CNTN4: variants seen among roughly 807,000 people sequenced by gnomAD.
CNTN4 encodes the protein contactin 4.
CNTN4 carries 77 observed loss-of-function variants against 122.5 expected under a neutral mutation model. The ratio of observed to expected loss-of-function variants is 0.63; its 90% CI spans 0.52 to 0.76. CNTN4 has a LOEUF of 0.76. Ranked by LOEUF, CNTN4 falls within the 30% of genes least tolerant of loss-of-function variation. The pLI is 0.00. For synonymous variants in CNTN4, 512 were observed against 447.0 expected (o/e 1.15, Z -1.83); for missense variants, 1,256 against 1,259.1 (o/e 1.00, Z 0.04).
intron 4 of CNTN4, among the ~76,000 whole-genome samples, chr3:2,626,028 G>A (rs2082171448): frequency 6.6e-6 from 1 of 152,092 alleles, no homozygotes; most frequent in Non-Finnish European, 1.5e-5. Context: ...ATTTTAATTT[G>A]CAATTAGACG....
intron 8 of CNTN4, among the ~76,000 whole-genome samples, chr3:2,878,055 A>G (rs868338739): frequency 2.3e-4 from 35 of 152,238 alleles, no homozygotes; most frequent in Admixed American, 2.0e-3. Context: ...CAATCTTTAT[A>G]TACAGTGAAA....
intron 4 of CNTN4, among the ~76,000 whole-genome samples, chr3:2,643,086 T>C (rs1203290518): frequency 6.6e-6 from 1 of 152,224 alleles, no homozygotes; most frequent in East Asian, 1.9e-4. Context: ...CGCTAAACTC[T>C]ATCATCTCTA....
intron 13 of CNTN4, among the ~76,000 whole-genome samples, chr3:2,954,402 C>G (rs1217504297): frequency 2.0e-5 from 3 of 152,214 alleles, no homozygotes; most frequent in African/African-American, 7.2e-5. Flanking sequence ...GTCTTTCTCT[C>G]TTTTTCCACA....
At chr3:2,809,675 G>A (rs148105150) in intron 6 of CNTN4, among the ~76,000 whole-genome samples, 169 of 152,268 alleles carry the variant, frequency 1.1e-3, no homozygotes, top group African/African-American at 3.4e-3. Context: ...ATGAGCTCCC[G>A]TAGAGAAAAA....
rs1009725435 is a variant in CNTN4, at chr3:2,584,524, C to T, written c.55+12966C>T. 6.6e-5 allele frequency among the ~76,000 whole-genome samples: 10 copies of T among 151,618 alleles called. No individual in the cohort carries two copies. The South Asian group carries it at 1.3e-3, about 19-fold the overall frequency. On this transcript the variant is annotated intron_variant, in intron 4 of 24. Transcript: ENST00000418658. ...ATCGAGAACAGCCTGACCAACATGG[C>T]GAAACCCCATCTCTACTAAAAATAC... is the stretch of plus-strand genomic sequence containing the variant.
chr3:2,340,700 T>TAGAGAGAG (rs1370813805), intron 3 of CNTN4, among the ~76,000 whole-genome samples: 1 of 14,114 alleles, frequency 7.1e-5, no homozygotes, highest in Non-Finnish European at 3.0e-4. Context: ...TATATATATA[T>TAGAGAGAG]ATATATATAT....
Position 2,279,185 on chromosome 3 carries a change from A to C in CNTN4, c.-144-59993A>C, listed in dbSNP as rs1353577692. Among the ~76,000 whole-genome samples, 2 of 149,792 alleles carry C rather than the reference A, an allele frequency of 1.3e-5. 1 individual carries two copies. The highest frequency in any genetic ancestry group is 5.1e-5 in the African/African-American group (2 of 39,172). On this transcript the variant is annotated intron_variant, in intron 2 of 24. Coordinates refer to ENST00000418658, the MANE Select transcript of CNTN4 (RefSeq NM_175607.3). ...ATAAATAAAATTATTGATTCAGGCA[A>C]GGAATAAGGATTAATAAATTTGATA...
Position 2,781,886 on chromosome 3 carries a change from G to A in CNTN4, c.358+36189G>A, listed in dbSNP as rs1242711153. On this transcript the variant is annotated intron_variant, in intron 6 of 24. Coordinates refer to ENST00000418658, the MANE Select transcript of CNTN4 (RefSeq NM_175607.3). Reference sequence around the variant, plus strand: ...ACTGCAGGCGCCCGCACCACGCCCGGCTAATTTTTTGTATTTTTAGTAGAG... The same window carrying A: ...ACTGCAGGCGCCCGCACCACGCCCGACTAATTTTTTGTATTTTTAGTAGAG... Among the ~76,000 whole-genome samples, 80 of 71,282 alleles carry A rather than the reference G, an allele frequency of 1.1e-3. 7 individuals carry two copies. The highest frequency in any genetic ancestry group is 1.2e-4 in the African/African-American group (3 of 24,866). The allele number at this position is 71,282 out of a possible 152,430, so 46.8% of individuals were successfully genotyped here.
chr3:2,474,921 GAA>G (rs2075796060), intron 3 of CNTN4, among the ~76,000 whole-genome samples: 1 of 152,106 alleles, frequency 6.6e-6, no homozygotes. Context: ...CATTTACTTA[GAA>G]ACTCTCTGAT....
At chr3:2,100,159 C>A (rs529095705) in intron 1 of CNTN4, among the ~76,000 whole-genome samples, 1 of 152,210 alleles carries the variant, frequency 6.6e-6, no homozygotes, top group Non-Finnish European at 1.5e-5. Context: ...TGGGCCGGAT[C>A]TTGAGGTGTG....
At position 2,378,262 on chromosome 3, in the gene CNTN4, G is replaced by A. The variant is rs562816438; in HGVS notation, c.-89+39029G>A. On this transcript the variant is annotated intron_variant, in intron 3 of 24. Coordinates refer to ENST00000418658, the MANE Select transcript of CNTN4 (RefSeq NM_175607.3). ...AGTCCTCTGATCCACAGTTATTCGG[G>A]GATGCAGGCACTGCTGTTTCAGTAT... Among the ~76,000 whole-genome samples, 3 of 152,278 alleles carry A rather than the reference G, an allele frequency of 2.0e-5. No homozygotes were observed. In the South Asian group the frequency reaches 6.2e-4, roughly 32 times the overall value.
intron 3 of CNTN4, among the ~76,000 whole-genome samples, chr3:2,504,745 C>T (rs1029367430): frequency 6.6e-6 from 1 of 152,118 alleles, no homozygotes; most frequent in African/African-American, 2.4e-5. Flanking sequence ...TTGACCATAC[C>T]TTCCTCCTCT....
At position 2,626,030 on chromosome 3, in the gene CNTN4, A is replaced by C. The variant is rs1277887005; in HGVS notation, c.55+54472A>C. Among the ~76,000 whole-genome samples the C allele has an allele frequency of 3.9e-5, 6 of 152,176 alleles. No homozygotes were observed. In the East Asian group the frequency reaches 1.2e-3, roughly 29 times the overall value. Reference sequence around the variant, plus strand: ...ATGATATCTCAATATTTTAATTTGCAATTAGACGTCTCCTTATTTGGAGAA... The same window carrying C: ...ATGATATCTCAATATTTTAATTTGCCATTAGACGTCTCCTTATTTGGAGAA... On this transcript the variant is annotated intron_variant, in intron 4 of 24. Transcript: ENST00000418658.
chr3:2,290,939 G>A (rs998741434), intron 2 of CNTN4, among the ~76,000 whole-genome samples: 1 of 152,150 alleles, frequency 6.6e-6, no homozygotes, highest in Non-Finnish European at 1.5e-5. Flanking sequence ...TTTTTAAAAT[G>A]ACATGTGAAA....
chr3:3,003,749 T>C (rs1163727527), intron 14 of CNTN4, among the ~76,000 whole-genome samples: 1 of 138,276 alleles, frequency 7.2e-6, no homozygotes, highest in Non-Finnish European at 1.6e-5. Context: ...ACTTCTTAAA[T>C]GTTTATTTAT....
intron 3 of CNTN4, among the ~76,000 whole-genome samples, chr3:2,451,720 GT>G (rs1183895832): frequency 6.6e-6 from 1 of 152,082 alleles, no homozygotes; most frequent in Non-Finnish European, 1.5e-5. Context: ...CGCTGATGAA[GT>G]AAGTATTCCA....
chr3:2,360,465 A>G (rs746520859), intron 3 of CNTN4, among the ~76,000 whole-genome samples: 29 of 152,196 alleles, frequency 1.9e-4, no homozygotes, highest in Admixed American at 1.1e-3. Context: ...TGTTTGCCCA[A>G]TGAAATATGA....
chr3:2,818,933 G>T (rs193265888), intron 6 of CNTN4, among the ~76,000 whole-genome samples: 13 of 152,212 alleles, frequency 8.5e-5, no homozygotes, highest in Middle Eastern at 3.4e-3. Flanking sequence ...TCACACTCTG[G>T]GTATATATGG....
In CNTN4 at chr3:2,412,589, G is replaced by A. The variant is rs1055647642; in HGVS notation, c.-89+73356G>A. On this transcript the variant is annotated intron_variant, in intron 3 of 24. Transcript: ENST00000418658. ...TCTCGTGTCAGATGGGTGTACCCAC[G>A]TGGGGTTGTGGTTTGCTCTTCTAAT... Among the ~76,000 whole-genome samples the A allele has an allele frequency of 3.3e-5, 5 of 152,124 alleles. No homozygotes were observed. In the South Asian group the frequency reaches 8.3e-4, roughly 25 times the overall value.
Sources: allele counts gnomAD v4.1 joint callset (sites outside exome capture counted in the v4.1 genomes callset), GRCh38; gene constraint gnomAD v4.1.1; transcripts MANE v1.5; gene names NCBI Gene and HGNC (gene_info 2026-07-23, HGNC 2026-07-21).